Variants in TBC1D5 observed in about 807,000 individuals in gnomAD.
TBC1D5 encodes TBC1 domain family, member 5.
Under a neutral mutation model 100.3 loss-of-function variants are expected in TBC1D5, and 75 were observed. The ratio of observed to expected loss-of-function variants is 0.75; its 90% CI spans 0.62 to 0.91. TBC1D5 has a LOEUF of 0.91. Ranked by LOEUF, TBC1D5 falls within the 40% of genes least tolerant of loss-of-function variation. The pLI, the probability that TBC1D5 is intolerant of heterozygous loss-of-function variation, is 0.00. For missense variants in TBC1D5, 910 were observed against 942.4 expected (o/e 0.97, Z 0.45); for synonymous variants, 323 against 325.6 (o/e 0.99, Z 0.09).
At chr3:17,390,141 T>C (rs2093307646) in intron 8 of TBC1D5, among the ~76,000 whole-genome samples, 1 of 152,090 alleles carries the variant, frequency 6.6e-6, no homozygotes, top group Non-Finnish European at 1.5e-5. Context: ...GAGTATCCTA[T>C]TTGCCATTTG....
chr3:17,360,474 T>A (rs1014803198), intron 13 of TBC1D5, among the ~76,000 whole-genome samples: 1 of 151,978 alleles, frequency 6.6e-6, no homozygotes, highest in Admixed American at 6.6e-5. Flanking sequence ...TATATATATA[T>A]ACCTAGAATG....
At chr3:17,215,156 C>T (rs942019854) in intron 17 of TBC1D5, among the ~76,000 whole-genome samples, 3 of 152,010 alleles carry the variant, frequency 2.0e-5, no homozygotes, top group African/African-American at 4.8e-5. Flanking sequence ...ATTTGACTTA[C>T]ATTTTAAAAG....
At chr3:17,742,121 G>A (rs1394165377), upstream of TBC1D5, among the ~76,000 whole-genome samples, 1 of 152,196 alleles carries the variant, frequency 6.6e-6, no homozygotes, top group Non-Finnish European at 1.5e-5. Context: ...ACCTCCTGGG[G>A]CAGGGAAAGC....
At chr3:17,422,356 T>G (rs1407799959) in intron 4 of TBC1D5, among the ~76,000 whole-genome samples, 6 of 150,662 alleles carry the variant, frequency 4.0e-5, no homozygotes, top group Non-Finnish European at 8.9e-5. Context: ...GTTTTTTTGT[T>G]TTTTTTTTTC....
intron 18 of TBC1D5, among the ~76,000 whole-genome samples, chr3:17,198,910 C>A (rs723813): frequency 1.3e-5 from 2 of 152,046 alleles, no homozygotes; most frequent in Non-Finnish European, 2.9e-5. Context: ...TCTCCCAGGC[C>A]ATTCTAACGT....
intron 8 of TBC1D5, among the ~76,000 whole-genome samples, chr3:17,392,949 C>T (rs1448439914): frequency 6.6e-6 from 1 of 152,098 alleles, no homozygotes; most frequent in African/African-American, 2.4e-5. Context: ...CACTGTCTTC[C>T]ACAGTGGTTG....
At chr3:17,564,232 T>C (rs1295764394) in intron 2 of TBC1D5, among the ~76,000 whole-genome samples, 1 of 152,224 alleles carries the variant, frequency 6.6e-6, no homozygotes, top group African/African-American at 2.4e-5. Context: ...CATTACTTTA[T>C]AAAAATATTT....
chr3:17,192,036 A>T (rs1414960556), intron 18 of TBC1D5, among the ~76,000 whole-genome samples: 9 of 152,016 alleles, frequency 5.9e-5, no homozygotes, highest in East Asian at 1.9e-4. Flanking sequence ...GATTTCAAAA[A>T]ATATATATAT....
chr3:17,467,893 T>C (rs2095327059), intron 3 of TBC1D5, among the ~76,000 whole-genome samples: 1 of 152,138 alleles, frequency 6.6e-6, no homozygotes, highest in Non-Finnish European at 1.5e-5. Flanking sequence ...GTTCCCTAGT[T>C]ACCATGACAA....
chr3:17,396,436 T>C (rs1187261045), intron 8 of TBC1D5, among the ~76,000 whole-genome samples: 1 of 152,076 alleles, frequency 6.6e-6, no homozygotes, highest in African/African-American at 2.4e-5. Flanking sequence ...ATTTGTTTTT[T>C]ATTTCAATAA....
intron 1 of TBC1D5, among the ~76,000 whole-genome samples, chr3:17,709,205 C>T (rs567468129): frequency 2.0e-5 from 3 of 152,282 alleles, no homozygotes; most frequent in South Asian, 2.1e-4. Flanking sequence ...TCAAATCTTT[C>T]GAAAGAGATC....
intron 18 of TBC1D5, 106 bp from the exon 20 acceptor site, chr3:17,185,314 T>A (rs2068908946): frequency 1.2e-6 from 1 of 803,794 alleles, no homozygotes; most frequent in African/African-American, 1.7e-5. Context: ...TGATACCTTT[T>A]TAAACCTAGA....
At chr3:17,701,626 T>C (rs1021958421) in intron 1 of TBC1D5, among the ~76,000 whole-genome samples, 3 of 148,270 alleles carry the variant, frequency 2.0e-5, no homozygotes, top group Admixed American at 6.7e-5. Flanking sequence ...CAAAAAAGAC[T>C]TTTTTTTTTA....
intron 4 of TBC1D5, among the ~76,000 whole-genome samples, chr3:17,423,661 G>C (rs966769617): frequency 2.6e-5 from 4 of 151,530 alleles, no homozygotes; most frequent in African/African-American, 9.8e-5. Context: ...TAAGAGTACA[G>C]CTCTGGAAAA....
chr3:17,255,760 C>A (rs1255509307), intron 16 of TBC1D5, among the ~76,000 whole-genome samples: 1 of 152,024 alleles, frequency 6.6e-6, no homozygotes, highest in Non-Finnish European at 1.5e-5. Context: ...AGATTTAGGC[C>A]GGGCGCAGTG....
At chr3:17,464,879 G>A (rs2095276782) in intron 3 of TBC1D5, among the ~76,000 whole-genome samples, 1 of 151,214 alleles carries the variant, frequency 6.6e-6, no homozygotes, top group Admixed American at 6.6e-5. Context: ...AAAAAAAACA[G>A]TATTCTGTGA....
At chr3:17,649,523 C>T (rs527563017) in intron 1 of TBC1D5, among the ~76,000 whole-genome samples, 67 of 152,032 alleles carry the variant, frequency 4.4e-4, no homozygotes, top group Admixed American at 3.9e-3. Context: ...ATTTATGCGG[C>T]GAACAAACAT....
chr3:17,726,360 C>T (rs955811781), intron 1 of TBC1D5, among the ~76,000 whole-genome samples: 1 of 152,160 alleles, frequency 6.6e-6, no homozygotes, highest in African/African-American at 2.4e-5. Flanking sequence ...TTCTATAAAA[C>T]CTCACCAGCA....
At chr3:17,205,779 T>C (rs796512879) in intron 18 of TBC1D5, among the ~76,000 whole-genome samples, 7 of 152,220 alleles carry the variant, frequency 4.6e-5, no homozygotes, top group African/African-American at 1.7e-4. Context: ...TGCATGCACG[T>C]GTGTGTGATA....
Sources: allele counts gnomAD v4.1 joint callset (sites outside exome capture counted in the v4.1 genomes callset), GRCh38; gene constraint gnomAD v4.1.1; transcripts MANE v1.5; gene names NCBI Gene and HGNC (gene_info 2026-07-23, HGNC 2026-07-21).